INTS11: variants seen among roughly 807,000 people sequenced by gnomAD.
INTS11 encodes integrator complex subunit 11.
INTS11 carries 77 observed loss-of-function variants against 78.6 expected under a neutral mutation model. The observed-to-expected ratio is 0.98, with a 90% CI of 0.81 to 1.18. The LOEUF is 1.18. INTS11 is among the 50% of genes most tolerant of loss of function. INTS11 has a pLI of 0.00. For missense variants in INTS11, 875 were observed against 825.9 expected, an observed-to-expected ratio of 1.06 and a Z score of -0.73; for synonymous variants, 441 against 326.9, an observed-to-expected ratio of 1.35 and a Z score of -3.77.
chr1:1,312,213 G>GCCGGGCCCCCCCC lies in INTS11; in HGVS notation c.1607+12_1607+13insGGGGGGGGCCCGG. Reference sequence around the variant, plus strand: ...CCCAAGGGAGTGGGGGGGGGGCGGGGCCGGGCGCCCACCTCTTGAGGTGGC... The same window carrying GCCGGGCCCCCCCC: ...CCCAAGGGAGTGGGGGGGGGGCGGGGCCGGGCCCCCCCCCCGGGCGCCCACCTCTTGAGGTGGC... On this transcript the variant is annotated intron_variant, in intron 15 of 16. Transcript: ENST00000435064. 1 of 934,482 alleles carries GCCGGGCCCCCCCC rather than the reference G, an allele frequency of 1.1e-6. No homozygotes were observed. Among genetic ancestry groups the GCCGGGCCCCCCCC allele is most frequent in the Non-Finnish European group, 1.6e-6 (1 of 636,554 alleles). 57.9% of individuals were successfully genotyped at this position (934,482 alleles called of 1,614,324 possible).
chr1:1,322,941 T>C (rs747208958), intron 1 of INTS11: 237 of 1,351,152 alleles, frequency 1.8e-4, no homozygotes, highest in East Asian at 4.6e-4. Context: ...TTGCGGGTAA[T>C]TGAAGCCACA....
At position 1,313,093 on chromosome 1, in the gene INTS11, G is replaced by GT; in HGVS notation, c.1072dup (p.Thr358AsnfsTer115). The stretch of plus-strand genomic sequence containing the variant: ...CCCGCTGAGGATCTTGTGGCCGACG[G>GT]TGCCCTGCACGCAGTAGCCGGGCAT... On this transcript the variant is annotated frameshift_variant, in exon 11 of 17. Coordinates refer to ENST00000435064, the MANE Select transcript of INTS11 (RefSeq NM_017871.6). LOFTEE classifies it high-confidence loss of function. 1.9e-6 allele frequency: 3 copies of GT among 1,609,078 alleles called. No individual in the cohort carries two copies. Among genetic ancestry groups the GT allele is most frequent in the Non-Finnish European group, 2.5e-6 (3 of 1,179,798 alleles).
rs776916995 is a variant in INTS11 at position 1,319,320 on chromosome 1, A to G, written c.405T>C (p.Ala135=). 2 of 1,613,032 alleles carry G rather than the reference A, an allele frequency of 1.2e-6. No individual in the cohort carries two copies. Among genetic ancestry groups the G allele is most frequent in the South Asian group, 2.2e-5 (2 of 91,088 alleles). ...CCTGGACCGTCTGGTGGAGGTGGAC[A>G]GCCACCACCTTCTTCATGCAGTCTT... ...MIKDCMKKVV[A]VHLHQTVQVD... Residue 135 remains alanine (A), a synonymous_variant, in exon 4 of 17, where the codon GCT becomes GCC. Transcript: ENST00000435064.
intron 1 of INTS11, 144 bp from the exon 2 acceptor site, chr1:1,321,237 C>A (rs1642929615): frequency 1.3e-5 from 8 of 621,516 alleles, no homozygotes; most frequent in Admixed American, 1.1e-4. Context: ...AGCAGGGCCA[C>A]CCCTACTCAC....
At position 1,313,589 on chromosome 1, in the gene INTS11, C is replaced by T. The variant is rs555104938; in HGVS notation, c.961G>A (p.Val321Met). 2 of 1,612,930 alleles carry T rather than the reference C, an allele frequency of 1.2e-6. No homozygotes were observed. Among genetic ancestry groups the T allele is most frequent in the East Asian group, 2.2e-5 (1 of 44,888 alleles). ...AFADNPGPMV[V>M]FATPGMLHAG... ...TGCAGCATTCCTGGCGTGGCAAACACAACCTACAGGACACACAGGGCCAGG... is the reference window on the plus strand; with the variant it reads ...TGCAGCATTCCTGGCGTGGCAAACATAACCTACAGGACACACAGGGCCAGG... Residue 321 changes from valine (V) to methionine (M), a missense_variant, in exon 10 of 17, where the codon GTG becomes ATG. Transcript: ENST00000435064.
rs1474374769 is a variant in INTS11, at chr1:1,313,683, G to A, written c.957+49C>T. 4 of 1,610,014 alleles carry A rather than the reference G, an allele frequency of 2.5e-6. No homozygotes were observed. In the African/African-American group the frequency reaches 4.0e-5, roughly 16 times the overall value. ...CAAGCCCAGACACCTGCGGAAGACA[G>A]GAGACCGACGGGTGTGGATGTGCTG... On this transcript the variant is annotated intron_variant, in intron 9 of 16. Coordinates refer to ENST00000435064, the MANE Select transcript of INTS11 (RefSeq NM_017871.6).
chr1:1,312,869 C>T lies in INTS11; in HGVS notation c.1212G>A (p.Gln404=), dbSNP rs768950733. The T allele has an allele frequency of 2.0e-5, 32 of 1,612,364 alleles. No individual in the cohort carries two copies. Among genetic ancestry groups the T allele is most frequent in the Non-Finnish European group, 2.4e-5 (28 of 1,179,908 alleles). The change falls in exon 12 of 17, where the codon CAG becomes CAA. Residue 404 remains glutamine, a synonymous_variant. Coordinates refer to ENST00000435064, the MANE Select transcript of INTS11 (RefSeq NM_017871.6). ...DAKGIMQLVG[Q]AEPESVLLVH... The stretch of plus-strand genomic sequence containing the variant: ...CCAGCAGCACGCTCTCCGGCTCTGC[C>T]TGGCCCACCAGCTGCATGATGCCCT...
chr1:1,312,200 G>GGA, intron 15 of INTS11, 26 bp downstream of exon 15: 1 of 1,229,772 alleles, frequency 8.1e-7, no homozygotes. Context: ...CAAGGGAGTG[G>GGA]GGGGGGGGCG....
chr1:1,313,599 G>A lies in INTS11; in HGVS notation c.958-7C>T. ...CTGGCGTGGCAAACACAACCTACAG[G>A]ACACACAGGGCCAGGTGGGGGGTCA... is the stretch of plus-strand genomic sequence containing the variant. On this transcript the variant is annotated splice_polypyrimidine_tract_variant and splice_region_variant and intron_variant, in intron 9 of 16. Transcript: ENST00000435064. 1 of 1,612,878 alleles carries A rather than the reference G, an allele frequency of 6.2e-7. No homozygotes were observed. The highest frequency in any genetic ancestry group is 8.5e-7 in the Non-Finnish European group (1 of 1,179,990).
chr1:1,319,414 A>C lies in INTS11; in HGVS notation c.311T>G (p.Leu104Arg). The C allele has an allele frequency of 1.9e-6, 3 of 1,613,310 alleles. No homozygotes were observed. The highest frequency in any genetic ancestry group is 2.5e-6 in the Non-Finnish European group (3 of 1,179,960). The part of the protein sequence containing the change: ...HPTQAICPIL[L>R]EDYRKIAVDK... ...TACGGCGATCTTGCGGTAGTCCTCC[A>C]GCAAGATGGGGCAGATGGCCTGGGT... is the stretch of plus-strand genomic sequence containing the variant. Residue 104 changes from leucine to arginine, a missense_variant, in exon 4 of 17, where the codon CTG (leucine) becomes CGG (arginine). Transcript: ENST00000435064.
At chr1:1,323,669 C>T (rs549035735) in intron 1 of INTS11, among the ~76,000 whole-genome samples, 1 of 151,356 alleles carries the variant, frequency 6.6e-6, no homozygotes, top group Admixed American at 6.6e-5. Flanking sequence ...CCTCTGCCTT[C>T]CAAAGTGCTG....
intron 3 of INTS11, chr1:1,320,176 G>C (rs1291203549): frequency 2.3e-6 from 1 of 430,542 alleles, no homozygotes; most frequent in Non-Finnish European, 4.3e-6. Context: ...AAGACAGTGG[G>C]GTTTAAAGAT....
Position 1,320,935 on chromosome 1 carries a change from A to T in INTS11, c.126+61T>A, listed in dbSNP as rs554268077. The T allele has an allele frequency of 2.8e-6, 4 of 1,433,740 alleles. No homozygotes were observed. In the South Asian group the frequency reaches 4.6e-5, roughly 16 times the overall value. The allele number at this position is 1,433,740 out of a possible 1,614,324, so 88.8% of individuals were successfully genotyped here. A position where few individuals can be genotyped will look rare whatever the true frequency, so the allele number is the denominator to read the frequency against. ...CCCCACTGTCCCGGCTCTGAGGCCCAGGGTCCAGCTGTGGATGGCCGGCTC... is the reference window on the plus strand; with the variant it reads ...CCCCACTGTCCCGGCTCTGAGGCCCTGGGTCCAGCTGTGGATGGCCGGCTC... On this transcript the variant is annotated intron_variant, in intron 2 of 16. Transcript: ENST00000435064.
rs756911251 is a variant in INTS11 at position 1,312,451 on chromosome 1, T to C, written c.1453A>G (p.Met485Val). The change falls in exon 14 of 17, where the codon ATG becomes GTG. Residue 485 changes from methionine to valine, a missense_variant. Transcript: ENST00000435064. ...GTCCTGGCACTCACGCTGTCCTTCA[T>C]GATCAGGGTGCCGTGCAGGAGCCGA... ...KPRLLHGTLIMKDSNFRLVSS... is the reference protein window; with the variant it reads ...KPRLLHGTLIVKDSNFRLVSS... 1.4e-5 allele frequency: 22 copies of C among 1,571,196 alleles called. No homozygotes were observed. The highest frequency in any genetic ancestry group is 1.2e-4 in the South Asian group (10 of 86,120).
chr1:1,324,587 G>C lies in INTS11; in HGVS notation c.22C>G (p.Pro8Ala). Residue 8 changes from proline to alanine, a missense_variant, in exon 1 of 17, where the codon CCC (proline) becomes GCC (alanine). Pro to Ala is a conservative substitution (Grantham distance 27). Coordinates refer to ENST00000435064, the MANE Select transcript of INTS11 (RefSeq NM_017871.6). MPEIRVT[P>A]LGAGQDVGRS... ...CCCGGCGGCTCCCACTCACCCAAGGGCGTGACTCTGATCTCAGGCATCGTC... is the reference window on the plus strand; with the variant it reads ...CCCGGCGGCTCCCACTCACCCAAGGCCGTGACTCTGATCTCAGGCATCGTC... 1 of 1,595,988 alleles carries C rather than the reference G, an allele frequency of 6.3e-7. No homozygotes were observed.
At chr1:1,320,031 A>C in intron 3 of INTS11, 2 of 204,658 alleles carry the variant, frequency 9.8e-6, no homozygotes, top group Non-Finnish European at 2.0e-5. Context: ...GCTGGGGAGG[A>C]CAGGGCAGGG....
In INTS11 at chr1:1,311,657, AT is replaced by A; in HGVS notation, c.*201del. ...CTAGGACCACCTGCCCTAACCAGGA[AT>A]AAAGGCAAGACAGCCTGGAGACCAG... is the stretch of plus-strand genomic sequence containing the variant. On this transcript the variant is annotated 3_prime_UTR_variant, in exon 17 of 17. Transcript: ENST00000435064. 1.4e-6 allele frequency: 1 copy of A among 716,268 alleles called. No individual in the cohort carries two copies. Among genetic ancestry groups the A allele is most frequent in the Non-Finnish European group, 2.5e-6 (1 of 401,668 alleles). The allele number at this position is 716,268 out of a possible 1,614,324, so 44.4% of individuals were successfully genotyped here.
chr1:1,320,633 C>T (rs1490601826), intron 2 of INTS11, 104 bp from the exon 3 acceptor site: 6 of 1,135,012 alleles, frequency 5.3e-6, no homozygotes, highest in Admixed American at 3.4e-5. Flanking sequence ...GTTCTATGTG[C>T]AGACTCAGGC....
At position 1,313,833 on chromosome 1, in the gene INTS11, T is replaced by A; in HGVS notation, c.856A>T (p.Thr286Ser). The change falls in exon 9 of 17, where the codon ACC becomes TCC. Residue 286 changes from threonine (T) to serine (S), a missense_variant. Physicochemically the swap from Thr to Ser is moderately conservative, Grantham distance 58. Transcript: ENST00000435064. Reference sequence around the variant, plus strand: ...AAAGTCTTGCGGATCTTCTGGTTGGTCCAGGGGATGAACAGCTTGTAGTAG... The same window carrying A: ...AAAGTCTTGCGGATCTTCTGGTTGGACCAGGGGATGAACAGCTTGTAGTAG... ...NHYYKLFIPW[T>S]NQKIRKTFVQ... The A allele has an allele frequency of 6.2e-7, 1 of 1,613,466 alleles. No homozygotes were observed. Among genetic ancestry groups the A allele is most frequent in the Non-Finnish European group, 8.5e-7 (1 of 1,179,972 alleles).
Sources: allele counts gnomAD v4.1 joint callset (sites outside exome capture counted in the v4.1 genomes callset), GRCh38; gene constraint gnomAD v4.1.1; transcripts MANE v1.5; gene names NCBI Gene and HGNC (gene_info 2026-07-23, HGNC 2026-07-21).